The following MGRN1 variants were observed in gnomAD, a reference collection of about 807,000 sequenced individuals.
The protein encoded by MGRN1 is mahogunin ring finger 1.
Under a neutral mutation model 69.2 loss-of-function variants are expected in MGRN1, and 29 were observed. The observed-to-expected ratio is 0.42, with a 90% CI of 0.31 to 0.57. The LOEUF is 0.57. Among genes scored for constraint, MGRN1 ranks in the 20% least tolerant of loss-of-function variants. MGRN1 has a pLI of 0.15. For synonymous variants in MGRN1, 470 were observed against 344.2 expected, an observed-to-expected ratio of 1.37 and a Z score of -4.04; for missense variants, 998 against 796.2, an observed-to-expected ratio of 1.25 and a Z score of -3.05.
At chr16:4,659,676 C>T (rs1006641929) in intron 5 of MGRN1, among the ~76,000 whole-genome samples, 1 of 152,252 alleles carries the variant, frequency 6.6e-6, no homozygotes, top group African/African-American at 2.4e-5. Context: ...TGAGTTGGCG[C>T]ACATAAGGGG....
chr16:4,664,956 G>T, intron 6 of MGRN1, 146 bp from the exon 7 acceptor site: 1 of 1,157,700 alleles, frequency 8.6e-7, no homozygotes, highest in South Asian at 1.4e-5. Context: ...AAGTGCAGGA[G>T]GGCAGGTCCC....
chr16:4,681,341 C>A lies in MGRN1; in HGVS notation c.1132-209C>A, dbSNP rs897871703. 16 of 568,180 alleles carry A rather than the reference C, an allele frequency of 2.8e-5. No homozygotes were observed. The Admixed American group carries it at 3.7e-4, about 13-fold the overall frequency. 35.2% of individuals were successfully genotyped at this position (568,180 alleles called of 1,614,324 possible). A position where few individuals can be genotyped will look rare whatever the true frequency, so the allele number is the denominator to read the frequency against. On this transcript the variant is annotated intron_variant, in intron 12 of 16. Coordinates refer to ENST00000262370, the MANE Select transcript of MGRN1 (RefSeq NM_015246.4). Reference sequence around the variant, plus strand: ...TCGTGCCCGTCATCCCAGGCACCAGCGTGGGCATTTGGGCATCCAGCCCCG... The same window carrying A: ...TCGTGCCCGTCATCCCAGGCACCAGAGTGGGCATTTGGGCATCCAGCCCCG...
intron 1 of MGRN1, among the ~76,000 whole-genome samples, chr16:4,628,255 A>G (rs185336328): frequency 1.0e-3 from 149 of 149,224 alleles, no homozygotes; most frequent in African/African-American, 3.6e-3. Flanking sequence ...GTGTGGTGGC[A>G]GGCGCTTGTA....
chr16:4,629,057 G>A (rs1464083082), intron 1 of MGRN1, among the ~76,000 whole-genome samples: 3 of 151,744 alleles, frequency 2.0e-5, no homozygotes, highest in African/African-American at 2.4e-5. Flanking sequence ...GGCTGGTTTC[G>A]AACTCCCGAC....
rs373935237 is a variant in MGRN1 at position 4,668,429 on chromosome 16, GCTCATACACA to G, written c.726+128_726+137del. ...TACACACGCACATATACTCATACAC[GCTCATACACA>G]CTCATACACATTCACTTGCACATAT... On this transcript the variant is annotated intron_variant, in intron 8 of 16. Coordinates refer to ENST00000262370, the MANE Select transcript of MGRN1 (RefSeq NM_015246.4). 1.3e-4 allele frequency: 140 copies of G among 1,049,992 alleles called. No individual in the cohort carries two copies. In the East Asian group the frequency reaches 3.1e-3, roughly 24 times the overall value. 65.0% of individuals were successfully genotyped at this position (1,049,992 alleles called of 1,614,324 possible). A position where few individuals can be genotyped will look rare whatever the true frequency, so the allele number is the denominator to read the frequency against.
At position 4,652,695 on chromosome 16, in the gene MGRN1, A is replaced by G; in HGVS notation, c.314A>G (p.Asp105Gly). The change falls in exon 4 of 17, where the codon GAC becomes GGC. Residue 105 changes from aspartate to glycine, a missense_variant. Asp to Gly is a moderately conservative substitution (Grantham distance 94). Coordinates refer to ENST00000262370, the MANE Select transcript of MGRN1 (RefSeq NM_015246.4). ...TGGGGTAGGTACAAAGACGATGCCG[A>G]CAGCCCCACCGAGGACGGCGACAAG... ...LRLVRYKDDA[D>G]SPTEDGDKPR... The G allele has an allele frequency of 1.2e-6, 2 of 1,612,766 alleles. No individual in the cohort carries two copies. Among genetic ancestry groups the G allele is most frequent in the Non-Finnish European group, 1.7e-6 (2 of 1,179,398 alleles).
chr16:4,641,225 C>T (rs149292308), intron 1 of MGRN1, among the ~76,000 whole-genome samples: 27 of 152,342 alleles, frequency 1.8e-4, no homozygotes, highest in Non-Finnish European at 2.8e-4. Flanking sequence ...AAGGAAAGGG[C>T]GGCCCCGCCC....
At chr16:4,673,065 C>T (rs1404292289) in intron 9 of MGRN1, among the ~76,000 whole-genome samples, 1 of 151,960 alleles carries the variant, frequency 6.6e-6, no homozygotes, top group African/African-American at 2.4e-5. Context: ...GTCTCGATCT[C>T]CTGACCTCGT....
chr16:4,642,788 A>ATTTTTT (rs79535290), intron 1 of MGRN1, among the ~76,000 whole-genome samples: 1 of 140,188 alleles, frequency 7.1e-6, no homozygotes, highest in African/African-American at 2.6e-5. Context: ...TAACGCTTGA[A>ATTTTTT]TTTTTTTTTT....
rs555138415 is a variant in MGRN1 at position 4,637,019 on chromosome 16, T to A, written c.88+11971T>A. Among the ~76,000 whole-genome samples the A allele has an allele frequency of 2.7e-5, 4 of 149,154 alleles. No homozygotes were observed. The East Asian group carries it at 5.9e-4, about 22-fold the overall frequency. The stretch of plus-strand genomic sequence containing the variant: ...CTGTAGTCCCAGCTACTTGGGAGGC[T>A]GAGGCAGGAGAATGGCGTGAACCTG... On this transcript the variant is annotated intron_variant, in intron 1 of 16. Coordinates refer to ENST00000262370, the MANE Select transcript of MGRN1 (RefSeq NM_015246.4).
At chr16:4,676,760 G>C (rs2079062211) in intron 10 of MGRN1, among the ~76,000 whole-genome samples, 1 of 152,186 alleles carries the variant, frequency 6.6e-6, no homozygotes, top group African/African-American at 2.4e-5. Context: ...GAGCAGGACT[G>C]GCACTGTGGG....
rs369985182 is a variant in MGRN1 at position 4,683,847 on chromosome 16, C to A, written c.1533C>A (p.Thr511=). 22 of 1,612,658 alleles carry A rather than the reference C, an allele frequency of 1.4e-5. No homozygotes were observed. Among genetic ancestry groups the A allele is most frequent in the Non-Finnish European group, 1.8e-5 (21 of 1,179,792 alleles). The change falls in exon 16 of 17, where the codon ACC becomes ACA. Residue 511 remains threonine, a synonymous_variant. Transcript: ENST00000262370. ...VDESSSPQQG[T]RAASIENVLQ... Reference sequence around the variant, plus strand: ...AACCTCACCCTCTGCCTGCAGGGACCCGAGCAGCTTCCATTGAGAATGTCC... The same window carrying A: ...AACCTCACCCTCTGCCTGCAGGGACACGAGCAGCTTCCATTGAGAATGTCC...
rs1226043027 is a variant in MGRN1 at position 4,683,023 on chromosome 16, C to G, written c.1482+77C>G. ...CAGCTTCTGTCGCTGGAATCAGACC[C>G]CATCCCACTGCCCGCCTGGGCGCCC... On this transcript the variant is annotated intron_variant, in intron 14 of 16. Coordinates refer to ENST00000262370, the MANE Select transcript of MGRN1 (RefSeq NM_015246.4). 2.0e-6 allele frequency: 3 copies of G among 1,487,290 alleles called. No individual in the cohort carries two copies. In the East Asian group the frequency reaches 7.2e-5, roughly 36 times the overall value. The allele number at this position is 1,487,290 out of a possible 1,614,324, so 92.1% of individuals were successfully genotyped here. A position where few individuals can be genotyped will look rare whatever the true frequency, so the allele number is the denominator to read the frequency against.
In MGRN1 at chr16:4,638,389, C is replaced by T. The variant is rs141267520; in HGVS notation, c.89-11976C>T. ...CTGAGGCAGGAGAATCACCTGAACC[C>T]GGGAGGCAGAGGTTGCAGTGAGCCG... On this transcript the variant is annotated intron_variant, in intron 1 of 16. Transcript: ENST00000262370. Among the ~76,000 whole-genome samples, 114 of 151,916 alleles carry T rather than the reference C, an allele frequency of 7.5e-4. 1 individual carries two copies. The highest frequency in any genetic ancestry group is 2.4e-3 in the African/African-American group (100 of 41,356).
chr16:4,685,533 C>A (rs973657333), intron 16 of MGRN1, among the ~76,000 whole-genome samples: 1 of 152,334 alleles, frequency 6.6e-6, no homozygotes, highest in East Asian at 1.9e-4. Context: ...GGGCCCTGGG[C>A]CCCGCTCTTG....
At chr16:4,677,415 G>A in intron 10 of MGRN1, 48 bp from the exon 11 acceptor site, 1 of 1,452,916 alleles carries the variant, frequency 6.9e-7, no homozygotes. Context: ...GTCCCCTCGG[G>A]GCTGGGTGTG....
intron 12 of MGRN1, among the ~76,000 whole-genome samples, chr16:4,680,872 G>T (rs901168970): frequency 6.6e-6 from 1 of 152,134 alleles, no homozygotes; most frequent in East Asian, 1.9e-4. Context: ...CCAGGAGCTC[G>T]GTCAGGCAGG....
chr16:4,662,170 C>T (rs1302214032), intron 5 of MGRN1, among the ~76,000 whole-genome samples: 5 of 152,126 alleles, frequency 3.3e-5, no homozygotes, highest in African/African-American at 4.8e-5. Flanking sequence ...GTAGGAAATT[C>T]GCTGTGTTGA....
chr16:4,666,067 G>T (rs1221853972), intron 7 of MGRN1, among the ~76,000 whole-genome samples: 1 of 151,956 alleles, frequency 6.6e-6, no homozygotes, highest in Non-Finnish European at 1.5e-5. Flanking sequence ...CCTGCCTCTT[G>T]ATCCACCTGC....
Sources: gnomAD v4.1 joint callset for allele counts (sites outside exome capture counted in the v4.1 genomes callset) on GRCh38, gnomAD v4.1.1 for gene constraint, MANE v1.5 for transcripts, NCBI Gene and HGNC (gene_info 2026-07-23, HGNC 2026-07-21) for gene names.